Variants in PLD5 observed in about 807,000 individuals in gnomAD.
PLD5 encodes phospholipase D family member 5.
Under a neutral mutation model 61.1 loss-of-function variants are expected in PLD5, and 36 were observed. The ratio of observed to expected loss-of-function variants is 0.59; its 90% CI spans 0.45 to 0.78. PLD5 has a LOEUF of 0.78. PLD5 is among the 30% of genes least tolerant of loss of function. The pLI is 0.00. For missense variants in PLD5, 515 were observed against 644.4 expected (o/e 0.80, Z 2.17); for synonymous variants, 243 against 242.8 (o/e 1.00, Z -0.01).
At chr1:242,335,793 GTAAAACATTA>G (rs1417713578) in intron 2 of PLD5, among the ~76,000 whole-genome samples, 1 of 152,000 alleles carries the variant, frequency 6.6e-6, no homozygotes, top group Non-Finnish European at 1.5e-5. Flanking sequence ...TTCTATGAAG[GTAAAACATTA>G]ATAACTGCCT....
intron 1 of PLD5, among the ~76,000 whole-genome samples, chr1:242,483,154 C>T (rs149629266): frequency 0.043 from 6,591 of 152,196 alleles, 228 homozygotes; most frequent in Middle Eastern, 0.061. Flanking sequence ...CATCAACTAA[C>T]GAGCAAAACA....
chr1:242,297,580 T>C (rs1161947494), intron 2 of PLD5, among the ~76,000 whole-genome samples: 1 of 151,220 alleles, frequency 6.6e-6, no homozygotes, highest in African/African-American at 2.4e-5. Flanking sequence ...TAACCATCAC[T>C]TTTATATTAA....
chr1:242,185,672 C>G (rs1267348714), intron 5 of PLD5, among the ~76,000 whole-genome samples: 2 of 152,056 alleles, frequency 1.3e-5, no homozygotes. Context: ...AATTAATTCC[C>G]CTAATTAGAA....
chr1:242,096,649 T>C (rs1441673594), intron 9 of PLD5, among the ~76,000 whole-genome samples: 1 of 151,476 alleles, frequency 6.6e-6, no homozygotes, highest in South Asian at 2.1e-4. Context: ...GCCTATTTAG[T>C]TTTTTGGTTG....
At position 242,083,870 on chromosome 1, in the gene PLD5, T is replaced by C. The variant is rs1303483129; in HGVS notation, c.*5984A>G. On this transcript the variant is annotated 3_prime_UTR_variant, in exon 10 of 10. Transcript: ENST00000536534. The stretch of plus-strand genomic sequence containing the variant: ...GAGGTCATATTTCCAAGATTGGTTG[T>C]GCATTTGTGTGGGAAAACTCTAAAT... 6.6e-6 allele frequency: 1 copy of C among 152,216 alleles called. No homozygotes were observed. Among genetic ancestry groups the C allele is most frequent in the Non-Finnish European group, 1.5e-5 (1 of 68,028 alleles). The allele number at this position is 152,216 out of a possible 1,614,324, so 9.4% of individuals were successfully genotyped here. A position where few individuals can be genotyped will look rare whatever the true frequency, so the allele number is the denominator to read the frequency against.
intron 1 of PLD5, among the ~76,000 whole-genome samples, chr1:242,507,260 C>T (rs1438869225): frequency 6.6e-6 from 1 of 152,178 alleles, no homozygotes; most frequent in Non-Finnish European, 1.5e-5. Context: ...TGTATTTGGT[C>T]TAAATTTTTT....
At chr1:242,404,182 C>T (rs1033202665) in intron 1 of PLD5, among the ~76,000 whole-genome samples, 3 of 152,126 alleles carry the variant, frequency 2.0e-5, no homozygotes, top group African/African-American at 7.2e-5. Context: ...ATGCCGAGTA[C>T]CTCACGAAGT....
intron 3 of PLD5, among the ~76,000 whole-genome samples, chr1:242,285,713 C>T (rs1674982904): frequency 6.6e-6 from 1 of 151,568 alleles, no homozygotes; most frequent in Non-Finnish European, 1.5e-5. Flanking sequence ...ACTTGTGAAG[C>T]TGGCTGAAAT....
intron 1 of PLD5, among the ~76,000 whole-genome samples, chr1:242,410,281 A>G (rs1664476322): frequency 6.6e-6 from 1 of 152,170 alleles, no homozygotes; most frequent in Non-Finnish European, 1.5e-5. Flanking sequence ...AAGCACATCC[A>G]AGATACTATG....
At chr1:242,207,846 A>ATATTTATATATATT (rs1361667962) in intron 5 of PLD5, among the ~76,000 whole-genome samples, 14 of 51,784 alleles carry the variant, frequency 2.7e-4, no homozygotes, top group African/African-American at 9.6e-4. Context: ...ATATATTTAT[A>ATATTTATATATATT]TATATTTATA....
chr1:242,388,549 T>C (rs904855349), intron 1 of PLD5, among the ~76,000 whole-genome samples: 15 of 152,108 alleles, frequency 9.9e-5, no homozygotes, highest in African/African-American at 3.6e-4. Context: ...TTCCACATAA[T>C]GGGCTAAGAA....
intron 4 of PLD5, among the ~76,000 whole-genome samples, chr1:242,249,453 G>A (rs1291902885): frequency 6.6e-6 from 1 of 152,112 alleles, no homozygotes; most frequent in Non-Finnish European, 1.5e-5. Flanking sequence ...CAGATATTCT[G>A]TTATAGCAAC....
intron 1 of PLD5, 85 bp downstream of exon 1, chr1:242,524,003 C>T: frequency 7.1e-7 from 1 of 1,399,156 alleles, no homozygotes; most frequent in South Asian, 1.4e-5. Flanking sequence ...GCCCCCCGCG[C>T]CCCGCGCGCG....
At chr1:242,475,840 G>C (rs540235980) in intron 1 of PLD5, among the ~76,000 whole-genome samples, 1 of 152,074 alleles carries the variant, frequency 6.6e-6, no homozygotes, top group East Asian at 1.9e-4. Context: ...GTGCTCAGAG[G>C]CACCCCCATG....
chr1:242,095,789 T>G (rs1238327595), intron 9 of PLD5, among the ~76,000 whole-genome samples: 1 of 152,178 alleles, frequency 6.6e-6, no homozygotes, highest in Non-Finnish European at 1.5e-5. Context: ...GGTTCCCTGA[T>G]GATTAAGCCA....
At chr1:242,250,177 T>C (rs1251672866) in intron 4 of PLD5, among the ~76,000 whole-genome samples, 1 of 152,236 alleles carries the variant, frequency 6.6e-6, no homozygotes, top group Non-Finnish European at 1.5e-5. Context: ...CTCAGTGTTA[T>C]AAAAATCAAG....
At chr1:242,139,547 G>A (rs903912258) in intron 5 of PLD5, among the ~76,000 whole-genome samples, 3 of 152,008 alleles carry the variant, frequency 2.0e-5, no homozygotes, top group African/African-American at 7.2e-5. Context: ...CCCTATACTG[G>A]TGACACAGTA....
intron 1 of PLD5, among the ~76,000 whole-genome samples, chr1:242,486,857 T>C (rs1259545007): frequency 6.6e-6 from 1 of 151,906 alleles, no homozygotes; most frequent in African/African-American, 2.4e-5. Flanking sequence ...GTGGCACATA[T>C]ACACCATGGA....
intron 1 of PLD5, among the ~76,000 whole-genome samples, chr1:242,476,391 C>T (rs1667598826): frequency 6.6e-6 from 1 of 151,872 alleles, no homozygotes; most frequent in Non-Finnish European, 1.5e-5. Flanking sequence ...AAAACCCCCC[C>T]AAATGGAGCG....
Sources: gnomAD v4.1 joint callset for allele counts (sites outside exome capture counted in the v4.1 genomes callset) on GRCh38, gnomAD v4.1.1 for gene constraint, MANE v1.5 for transcripts, NCBI Gene and HGNC (gene_info 2026-07-23, HGNC 2026-07-21) for gene names.